WDR49: variants seen among roughly 807,000 people sequenced by gnomAD.
WDR49 encodes WD repeat domain 49, also known as cilia- and flagella-associated protein 337.
WDR49 carries 107 observed loss-of-function variants against 119.5 expected under a neutral mutation model. The ratio of observed to expected loss-of-function variants is 0.90; its 90% CI spans 0.77 to 1.05. The LOEUF is 1.05. WDR49 is among the 50% of genes least tolerant of loss of function. WDR49 has a pLI of 0.00. For missense variants in WDR49, 1,240 were observed against 1,220.5 expected (o/e 1.02, Z -0.24); for synonymous variants, 425 against 418.8 (o/e 1.01, Z -0.18).
intron 8 of WDR49, among the ~76,000 whole-genome samples, chr3:167,568,420 T>G (rs1214038262): frequency 1.3e-5 from 2 of 152,198 alleles, no homozygotes; most frequent in Non-Finnish European, 2.9e-5. Context: ...TATAGCAACC[T>G]GCACCCACAT....
chr3:167,545,509 T>TATATATATATATATATA lies in WDR49; in HGVS notation c.1824-8510_1824-8509insTATATATATATATATAT, dbSNP rs535132359. ...CCATATATATATTATATATTATATA[T>TATATATATATATATATA]TATATATATATATATGCACCCTGGA... On this transcript the variant is annotated intron_variant, in intron 10 of 18. Transcript: ENST00000682715. Among the ~76,000 whole-genome samples, 577 of 107,924 alleles carry TATATATATATATATATA rather than the reference T, an allele frequency of 5.3e-3. 11 individuals carry two copies. Among genetic ancestry groups the TATATATATATATATATA allele is most frequent in the African/African-American group, 0.014 (425 of 30,224 alleles). 70.8% of individuals were successfully genotyped at this position (107,924 alleles called of 152,430 possible).
At chr3:167,603,836 G>T (rs1715897579) in intron 6 of WDR49, among the ~76,000 whole-genome samples, 1 of 152,072 alleles carries the variant, frequency 6.6e-6, no homozygotes, top group Admixed American at 6.6e-5. Flanking sequence ...ATTAGAGATT[G>T]TATTCTGAAA....
intron 9 of WDR49, among the ~76,000 whole-genome samples, chr3:167,556,829 A>G (rs1188621154): frequency 6.6e-6 from 1 of 152,200 alleles, no homozygotes; most frequent in African/African-American, 2.4e-5. Context: ...GTTTGAGACC[A>G]GCCTGGCCAA....
At chr3:167,567,358 T>G (rs1713664222) in intron 8 of WDR49, among the ~76,000 whole-genome samples, 1 of 152,190 alleles carries the variant, frequency 6.6e-6, no homozygotes, top group Admixed American at 6.5e-5. Flanking sequence ...TCCCCAAAAT[T>G]CATATCTTGA....
intron 3 of WDR49, among the ~76,000 whole-genome samples, chr3:167,622,425 G>C (rs1716917811): frequency 6.6e-6 from 1 of 152,008 alleles, no homozygotes. Context: ...TGATTAAATA[G>C]AGAATTTTAA....
chr3:167,623,105 G>A (rs900783382), intron 3 of WDR49, among the ~76,000 whole-genome samples: 3 of 151,850 alleles, frequency 2.0e-5, no homozygotes, highest in African/African-American at 4.8e-5. Flanking sequence ...TCCACCAAAC[G>A]TTTCAAGGAA....
At chr3:167,542,085 T>C (rs919814669) in intron 10 of WDR49, among the ~76,000 whole-genome samples, 9 of 150,294 alleles carry the variant, frequency 6.0e-5, no homozygotes, top group Admixed American at 5.3e-4. Context: ...AACAGGAAAA[T>C]ATCACAATCC....
Position 167,500,256 on chromosome 3 carries a change from A to G in WDR49, c.2928T>C (p.Pro976=). The G allele has an allele frequency of 6.2e-7, 1 of 1,607,610 alleles. No individual in the cohort carries two copies. The highest frequency in any genetic ancestry group is 8.5e-7 in the Non-Finnish European group (1 of 1,178,134). Residue 976 remains proline (P), a synonymous_variant, in exon 18 of 19, where the codon CCT becomes CCC. Coordinates refer to ENST00000682715, the MANE Select transcript of WDR49 (RefSeq NM_001366157.1). ...GAAGGAAAGCAGGTTTATTCACTTCAGGCAGCTCTTCCAGGGCTCCAATGT... is the reference window on the plus strand; with the variant it reads ...GAAGGAAAGCAGGTTTATTCACTTCGGGCAGCTCTTCCAGGGCTCCAATGT... ...SLNIGALEEL[P]EVNKPAFLLD...
intron 2 of WDR49, among the ~76,000 whole-genome samples, chr3:167,652,739 C>T (rs1294592969): frequency 1.3e-5 from 2 of 152,136 alleles, no homozygotes; most frequent in Non-Finnish European, 2.9e-5. Flanking sequence ...GAGTGGGAGA[C>T]TCGTCCCTCA....
rs1715232036 is a variant in WDR49 at position 167,593,231 on chromosome 3, A to C, written c.1275+8896T>G. 2.0e-5 allele frequency among the ~76,000 whole-genome samples: 3 copies of C among 152,040 alleles called. 1 individual carries two copies. In the South Asian group the frequency reaches 6.2e-4, roughly 32 times the overall value. On this transcript the variant is annotated intron_variant, in intron 7 of 18. Coordinates refer to ENST00000682715, the MANE Select transcript of WDR49 (RefSeq NM_001366157.1). ...CTCAACTTCCTCTTTAAGTCCAATA[A>C]CTCTTAGATTTGCCTTGTTGAGACT...
At chr3:167,584,624 C>G (rs557309707) in intron 7 of WDR49, among the ~76,000 whole-genome samples, 21 of 152,104 alleles carry the variant, frequency 1.4e-4, no homozygotes, top group Admixed American at 3.9e-4. Flanking sequence ...CATATACAAA[C>G]AAATTCATGT....
At chr3:167,544,137 C>T (rs1355801453) in intron 10 of WDR49, among the ~76,000 whole-genome samples, 2 of 150,020 alleles carry the variant, frequency 1.3e-5, no homozygotes, top group African/African-American at 2.4e-5. Flanking sequence ...ACAAGGAAAA[C>T]TATAAAACAC....
At chr3:167,617,930 A>G (rs1303992664) in intron 5 of WDR49, among the ~76,000 whole-genome samples, 1 of 152,134 alleles carries the variant, frequency 6.6e-6, no homozygotes, top group African/African-American at 2.4e-5. Context: ...ACTTTTCCTA[A>G]ATACTGTCTG....
Position 167,500,274 on chromosome 3 carries a change from T to C in WDR49, c.2910A>G (p.Gly970=), listed in dbSNP as rs781758049. Residue 970 remains glycine (G), a synonymous_variant, in exon 18 of 19, where the codon GGA becomes GGG. Transcript: ENST00000682715. ...TCACTTCAGGCAGCTCTTCCAGGGCTCCAATGTTTAATGACCTAAATGTAC... is the reference window on the plus strand; with the variant it reads ...TCACTTCAGGCAGCTCTTCCAGGGCCCCAATGTTTAATGACCTAAATGTAC... ...SFSTFRSLNI[G]ALEELPEVNK... The C allele has an allele frequency of 7.5e-6, 12 of 1,604,086 alleles. No homozygotes were observed. The highest frequency in any genetic ancestry group is 9.3e-6 in the Non-Finnish European group (11 of 1,176,924).
rs758563647 is a variant in WDR49, at chr3:167,576,108, C to T, written c.1319G>A (p.Arg440Lys). ...WDIQHQLSIQ[R>K]IACSFPKSQD... ...ACTTTTGGGGAAAGAACAAGCTATCCTCTGGATGGACAGCTGGTGTTGAAT... is the reference window on the plus strand; with the variant it reads ...ACTTTTGGGGAAAGAACAAGCTATCTTCTGGATGGACAGCTGGTGTTGAAT... The change falls in exon 8 of 19, where the codon AGG becomes AAG. Residue 440 changes from arginine (R) to lysine (K), a missense_variant. By Grantham distance (26) the Arg-to-Lys change is conservative (BLOSUM62 2). Coordinates refer to ENST00000682715, the MANE Select transcript of WDR49 (RefSeq NM_001366157.1). 16 of 1,613,958 alleles carry T rather than the reference C, an allele frequency of 9.9e-6. No homozygotes were observed. The Admixed American group carries it at 1.5e-4, about 15-fold the overall frequency.
In WDR49 at chr3:167,653,445, A is replaced by G; in HGVS notation, c.-20T>C. 1.4e-6 allele frequency: 2 copies of G among 1,471,912 alleles called. No individual in the cohort carries two copies. Among genetic ancestry groups the G allele is most frequent in the Non-Finnish European group, 8.9e-7 (1 of 1,118,584 alleles). The allele number at this position is 1,471,912 out of a possible 1,614,324, so 91.2% of individuals were successfully genotyped here. A position where few individuals can be genotyped will look rare whatever the true frequency, so the allele number is the denominator to read the frequency against. ...ACTCATAATGGCTTCACCTTTTCTC[A>G]GTTGCCTTCAACTATTTCTATAAGG... On this transcript the variant is annotated 5_prime_UTR_variant, in exon 2 of 19. Coordinates refer to ENST00000682715, the MANE Select transcript of WDR49 (RefSeq NM_001366157.1).
intron 3 of WDR49, among the ~76,000 whole-genome samples, chr3:167,625,753 G>A (rs945040565): frequency 4.0e-5 from 6 of 151,840 alleles, no homozygotes; most frequent in East Asian, 1.9e-4. Flanking sequence ...ACTCTGAAAC[G>A]ATGCAAGGCT....
chr3:167,645,167 A>G (rs1219254093), intron 2 of WDR49, among the ~76,000 whole-genome samples: 1 of 151,868 alleles, frequency 6.6e-6, no homozygotes, highest in Non-Finnish European at 1.5e-5. Flanking sequence ...ATTTTTTACC[A>G]TGAGAATAAT....
chr3:167,556,895 T>C (rs1261812765), intron 9 of WDR49, among the ~76,000 whole-genome samples: 1 of 152,044 alleles, frequency 6.6e-6, no homozygotes, highest in African/African-American at 2.4e-5. Flanking sequence ...CATGGTGGCA[T>C]GCACCTGTAG....
Sources: gnomAD v4.1 joint callset for allele counts (sites outside exome capture counted in the v4.1 genomes callset) on GRCh38, gnomAD v4.1.1 for gene constraint, MANE v1.5 for transcripts, NCBI Gene and HGNC (gene_info 2026-07-23, HGNC 2026-07-21) for gene names.